Variants in ADAMTS5 observed in about 807,000 individuals in gnomAD.
ADAMTS5 encodes the protein A disintegrin and metalloproteinase with thrombospondin motifs 5.
ADAMTS5 carries 54 observed loss-of-function variants against 81.4 expected under a neutral mutation model. That is an observed-to-expected ratio of 0.66 (90% confidence interval 0.53 to 0.83). The LOEUF (loss-of-function observed/expected upper bound fraction) is 0.83, where lower values mean the gene tolerates loss of function less well. ADAMTS5 is among the 40% of genes least tolerant of loss of function. The pLI, the probability that ADAMTS5 is intolerant of heterozygous loss-of-function variation, is 0.00. For missense variants in ADAMTS5, 1,194 were observed against 1,229.9 expected (o/e 0.97, Z 0.44); for synonymous variants, 532 against 508.8 (o/e 1.05, Z -0.61).
At chr21:26,952,290 CTTGTA>C (rs1987334092) in intron 2 of ADAMTS5, among the ~76,000 whole-genome samples, 1 of 152,182 alleles carries the variant, frequency 6.6e-6, no homozygotes. Flanking sequence ...ACGTTGTTTC[CTTGTA>C]TAACTATGTC....
chr21:26,966,970 G>C lies in ADAMTS5; in HGVS notation c.-579C>G, dbSNP rs1004264794. On this transcript the variant is annotated 5_prime_UTR_variant, in exon 1 of 8. Transcript: ENST00000284987. ...TAAAAATTAAAACAAAAATGCAGGG[G>C]GGCAGCCTGAGGCGAGCTGGTGAAG... is the stretch of plus-strand genomic sequence containing the variant. Among the ~76,000 whole-genome samples the C allele has an allele frequency of 6.6e-6, 1 of 152,176 alleles. No homozygotes were observed. The highest frequency in any genetic ancestry group is 2.4e-5 in the African/African-American group (1 of 41,444).
chr21:26,922,546 C>T lies in ADAMTS5; in HGVS notation c.*1507G>A, dbSNP rs1043863561. 2.0e-5 allele frequency: 3 copies of T among 151,922 alleles called. No homozygotes were observed. Among genetic ancestry groups the T allele is most frequent in the Admixed American group, 6.6e-5 (1 of 15,266 alleles). The allele number at this position is 151,922 out of a possible 1,614,324, so 9.4% of individuals were successfully genotyped here. ...ACAACAAAAGAAATCCCAAAGAAAT[C>T]AAACAACTTAGATTTTCTAAGTTGT... is the stretch of plus-strand genomic sequence containing the variant. On this transcript the variant is annotated 3_prime_UTR_variant, in exon 8 of 8. Coordinates refer to ENST00000284987, the MANE Select transcript of ADAMTS5 (RefSeq NM_007038.5).
chr21:26,947,057 G>T (rs776531654), intron 2 of ADAMTS5, among the ~76,000 whole-genome samples: 1 of 152,218 alleles, frequency 6.6e-6, no homozygotes, highest in Non-Finnish European at 1.5e-5. Flanking sequence ...TAAAGCAGAG[G>T]TAGTGAAGTC....
At chr21:26,931,082 C>T (rs1271849616) in intron 6 of ADAMTS5, among the ~76,000 whole-genome samples, 2 of 152,108 alleles carry the variant, frequency 1.3e-5, no homozygotes, top group East Asian at 1.9e-4. Flanking sequence ...GAGTCTCGCT[C>T]TGTCACCAGA....
chr21:26,954,811 A>C lies in ADAMTS5; in HGVS notation c.1165T>G (p.Ser389Ala), dbSNP rs1281014227. The C allele has an allele frequency of 6.2e-7, 1 of 1,613,970 alleles. No individual in the cohort carries two copies. The highest frequency in any genetic ancestry group is 8.5e-7 in the Non-Finnish European group (1 of 1,180,006). Residue 389 changes from serine to alanine, a missense_variant, in exon 2 of 8, where the codon TCT (serine) becomes GCT (alanine). Around this residue, in one of 2 missense-constraint regions of ADAMTS5, gnomAD observed 696 missense variants for 817.6 expected, o/e 0.85. Coordinates refer to ENST00000284987, the MANE Select transcript of ADAMTS5 (RefSeq NM_007038.5). Reference sequence around the variant, plus strand: ...ATCACAGCACAGCTGCGCTCTGGAGAACATATGGTCCCAACGTCTGCCATT... The same window carrying C: ...ATCACAGCACAGCTGCGCTCTGGAGCACATATGGTCCCAACGTCTGCCATT... ...LGMADVGTIC[S>A]PERSCAVIED...
chr21:26,945,515 T>A (rs910818552), intron 2 of ADAMTS5, among the ~76,000 whole-genome samples: 2 of 152,198 alleles, frequency 1.3e-5, no homozygotes. Flanking sequence ...TTTTTATTAT[T>A]GTATCAAGAG....
chr21:26,960,335 A>G (rs1568853052), intron 1 of ADAMTS5, among the ~76,000 whole-genome samples: 3 of 152,186 alleles, frequency 2.0e-5, no homozygotes, highest in Admixed American at 6.5e-5. Flanking sequence ...GTTCTTTTCA[A>G]TGATTGCCAT....
chr21:26,924,920 T>G (rs17653989), intron 7 of ADAMTS5, among the ~76,000 whole-genome samples: 3,724 of 152,322 alleles, frequency 0.024, 49 homozygotes, highest in South Asian at 0.051. Context: ...ACAACCATTT[T>G]CATCCTTATC....
chr21:26,954,701 GT>G, intron 2 of ADAMTS5, 37 bp downstream of exon 2: 1 of 1,607,802 alleles, frequency 6.2e-7, no homozygotes, highest in Non-Finnish European at 8.5e-7. Context: ...TGTTACAAGT[GT>G]TTGATTTGGT....
intron 3 of ADAMTS5, among the ~76,000 whole-genome samples, chr21:26,939,114 G>A (rs1601006702): frequency 6.6e-6 from 1 of 152,120 alleles, no homozygotes; most frequent in African/African-American, 2.4e-5. Flanking sequence ...AAAAATGGGT[G>A]CATTTGCCTG....
rs767153714 is a variant in ADAMTS5, at chr21:26,966,250, C to G, written c.142G>C (p.Gly48Arg). The G allele has an allele frequency of 1.4e-5, 23 of 1,597,466 alleles. No individual in the cohort carries two copies. The African/African-American group carries it at 1.5e-4, about 10-fold the overall frequency. Residue 48 changes from glycine (G) to arginine (R), a missense_variant, in exon 1 of 8, where the codon GGG becomes CGG. This residue lies in a region of ADAMTS5 where 498 missense variants were observed against 412.3 expected (regional missense o/e 1.21). Transcript: ENST00000284987. ...TCGGCTCGCTCCTGCACCTCCTCCC[C>G]CTGCCGCCGGCGGGGCTGGGCGGCT... ...AAAAQPRRRQ[G>R]EEVQERAEPP... is the part of the protein sequence containing the mutation.
chr21:26,934,903 A>G (rs1347312507), intron 3 of ADAMTS5, among the ~76,000 whole-genome samples, 154 bp from the exon 4 acceptor site: 1 of 152,168 alleles, frequency 6.6e-6, no homozygotes, highest in Non-Finnish European at 1.5e-5. Flanking sequence ...CCATGGGGAC[A>G]AGGCTGGGAG....
intron 7 of ADAMTS5, among the ~76,000 whole-genome samples, chr21:26,926,698 G>T (rs966853977): frequency 2.0e-5 from 3 of 148,012 alleles, no homozygotes; most frequent in Non-Finnish European, 3.0e-5. Flanking sequence ...CCAGGCTCTT[G>T]ACTCCCAATT....
At chr21:26,930,154 A>G in intron 6 of ADAMTS5, 93 bp from the exon 7 acceptor site, 1 of 1,326,786 alleles carries the variant, frequency 7.5e-7, no homozygotes, top group Non-Finnish European at 1.1e-6. Flanking sequence ...TGATTTTTTG[A>G]GTTTGATTGG....
chr21:26,924,654 A>T, intron 7 of ADAMTS5, 34 bp from the exon 8 acceptor site: 1 of 1,527,104 alleles, frequency 6.5e-7, no homozygotes, highest in Non-Finnish European at 8.8e-7. Flanking sequence ...AAGTGGGGGA[A>T]GGTGGTTAAA....
rs964504419 is a variant in ADAMTS5, at chr21:26,966,350, G to A, written c.42C>T (p.Arg14=). The A allele has an allele frequency of 6.7e-6, 10 of 1,502,486 alleles. No individual in the cohort carries two copies. In the Admixed American group the frequency reaches 1.1e-4, roughly 16 times the overall value. 93.1% of individuals were successfully genotyped at this position (1,502,486 alleles called of 1,614,324 possible). ...GWASLLLCAF[R]LPLAAVGPAA... ...CGGGGCCGACCGCGGCCAGGGGCAG[G>A]CGGAACGCGCACAGCAGCAGGGACG... The change falls in exon 1 of 8, where the codon CGC becomes CGT. Residue 14 remains arginine, a synonymous_variant. Transcript: ENST00000284987.
At chr21:26,951,197 A>T (rs1157943866) in intron 2 of ADAMTS5, among the ~76,000 whole-genome samples, 2 of 152,208 alleles carry the variant, frequency 1.3e-5, no homozygotes, top group Non-Finnish European at 2.9e-5. Flanking sequence ...GAGAACCTGT[A>T]AGTAGGTTAA....
intron 3 of ADAMTS5, 56 bp from the exon 4 acceptor site, chr21:26,934,805 AATC>A: frequency 1.3e-6 from 2 of 1,586,256 alleles, no homozygotes; most frequent in Non-Finnish European, 1.7e-6. Context: ...AAACCGCTAA[AATC>A]ATGGATCTAA....
intron 3 of ADAMTS5, among the ~76,000 whole-genome samples, chr21:26,938,018 T>A (rs952737010): frequency 1.3e-5 from 2 of 152,140 alleles, no homozygotes; most frequent in East Asian, 3.9e-4. Flanking sequence ...GGCGGGTGGA[T>A]CACCTGAGGT....
Sources: allele counts gnomAD v4.1 joint callset (sites outside exome capture counted in the v4.1 genomes callset), GRCh38; gene constraint gnomAD v4.1.1; regional missense constraint gnomAD v4.1.1; transcripts MANE v1.5; gene names NCBI Gene and HGNC (gene_info 2026-07-23, HGNC 2026-07-21).